RORA: variants seen among roughly 807,000 people sequenced by gnomAD.
RORA encodes the protein RAR related orphan receptor A.
Under a neutral mutation model 69.5 loss-of-function variants are expected in RORA, and 7 were observed. The ratio of observed to expected loss-of-function variants is 0.10; its 90% CI spans 0.06 to 0.19. The LOEUF is 0.19. Ranked by LOEUF, RORA falls within the 10% of genes least tolerant of loss-of-function variation. The pLI is 1.00. For synonymous variants in RORA, 261 were observed against 240.8 expected, an observed-to-expected ratio of 1.08 and a Z score of -0.78; for missense variants, 457 against 663.0, an observed-to-expected ratio of 0.69 and a Z score of 3.41.
intron 1 of RORA, among the ~76,000 whole-genome samples, chr15:60,763,065 ATTTTT>A (rs374433414): frequency 0.018 from 887 of 48,358 alleles, 22 homozygotes; most frequent in African/African-American, 0.045. Flanking sequence ...ATATGCACAG[ATTTTT>A]TTTTTTTTTT....
intron 1 of RORA, among the ~76,000 whole-genome samples, chr15:60,943,136 ATCT>A (rs1415653798): frequency 6.6e-6 from 1 of 152,228 alleles, no homozygotes; most frequent in African/African-American, 2.4e-5. Context: ...GCATAGTAGC[ATCT>A]TCTTATTTTG....
intron 1 of RORA, among the ~76,000 whole-genome samples, chr15:60,841,369 C>T (rs1176232680): frequency 2.0e-5 from 3 of 152,152 alleles, no homozygotes; most frequent in Non-Finnish European, 4.4e-5. Flanking sequence ...CTGTGGCTGC[C>T]GCGGCCACAG....
chr15:61,214,392 T>TA (rs2080019312), intron 1 of RORA, among the ~76,000 whole-genome samples: 1 of 152,242 alleles, frequency 6.6e-6, no homozygotes, highest in South Asian at 2.1e-4. Flanking sequence ...GTTTAAAACT[T>TA]ACGTTGTTGA....
chr15:60,633,452 A>G (rs1180692538), intron 2 of RORA, among the ~76,000 whole-genome samples: 1 of 152,248 alleles, frequency 6.6e-6, no homozygotes, highest in Non-Finnish European at 1.5e-5. Context: ...GCACAGCTCA[A>G]TCTCTGAACT....
intron 1 of RORA, among the ~76,000 whole-genome samples, chr15:60,724,279 C>A (rs758423460): frequency 6.6e-6 from 1 of 152,158 alleles, no homozygotes; most frequent in Non-Finnish European, 1.5e-5. Flanking sequence ...ATTGAGGGCT[C>A]CTATGTGTTG....
intron 2 of RORA, among the ~76,000 whole-genome samples, chr15:60,560,204 A>G (rs1409974742): frequency 6.6e-6 from 1 of 152,242 alleles, no homozygotes; most frequent in Non-Finnish European, 1.5e-5. Flanking sequence ...TCACATAGCC[A>G]CAAAACGCAG....
intron 1 of RORA, among the ~76,000 whole-genome samples, chr15:60,843,600 T>A (rs2073228310): frequency 6.6e-6 from 1 of 152,096 alleles, no homozygotes; most frequent in South Asian, 2.1e-4. Flanking sequence ...ATTCTTCCCA[T>A]GACTTTACAG....
At chr15:60,592,423 C>T in intron 2 of RORA, 1 of 1,433,256 alleles carries the variant, frequency 7.0e-7, no homozygotes, top group South Asian at 1.4e-5. Context: ...ATCATTTAAG[C>T]CGCGGTGCGG....
intron 2 of RORA, among the ~76,000 whole-genome samples, chr15:60,647,022 T>A (rs2070058390): frequency 6.6e-6 from 1 of 152,132 alleles, no homozygotes; most frequent in South Asian, 2.1e-4. Context: ...GGAAGAGGAG[T>A]CTAGCAAGAG....
rs377268746 is a variant in RORA, at chr15:60,693,036, A to C, written c.167-14350T>G. ...AGGCCAATATCCCTGATGAACATTG[A>C]TGCAAAAATCCTCAATAAAATACCA... On this transcript the variant is annotated intron_variant, in intron 1 of 10. Transcript: ENST00000335670. Among the ~76,000 whole-genome samples the C allele has an allele frequency of 1.4e-3, 214 of 152,344 alleles. 1 individual carries two copies. Among genetic ancestry groups the C allele is most frequent in the African/African-American group, 4.9e-3 (202 of 41,588 alleles).
chr15:60,597,563 T>C (rs1190960909), intron 2 of RORA, among the ~76,000 whole-genome samples: 9 of 32,628 alleles, frequency 2.8e-4, no homozygotes, highest in African/African-American at 1.2e-3. Context: ...TATATATATA[T>C]ATATATATAT....
Position 61,131,335 on chromosome 15 carries a change from T to C in RORA, c.166+97718A>G, listed in dbSNP as rs541208136. Among the ~76,000 whole-genome samples, 26 of 152,372 alleles carry C rather than the reference T, an allele frequency of 1.7e-4. 1 individual carries two copies. In the South Asian group the frequency reaches 4.1e-3, roughly 24 times the overall value. On this transcript the variant is annotated intron_variant, in intron 1 of 10. Transcript: ENST00000335670. The surrounding 1 kb of genome is among the most constrained non-coding windows in gnomAD (Gnocchi z 4.2). ...AAATCCATGTTTTAAAAGTTTTGAATTGTCTGTAGAAAATAAATCTAGACT... is the reference window on the plus strand; with the variant it reads ...AAATCCATGTTTTAAAAGTTTTGAACTGTCTGTAGAAAATAAATCTAGACT...
chr15:60,713,926 T>C (rs1348883173), intron 1 of RORA, among the ~76,000 whole-genome samples: 1 of 152,216 alleles, frequency 6.6e-6, no homozygotes, highest in African/African-American at 2.4e-5. Flanking sequence ...GCTAAGACTT[T>C]GCAGGGTAAT....
chr15:60,812,360 A>G (rs1248603097), intron 1 of RORA, among the ~76,000 whole-genome samples: 1 of 152,052 alleles, frequency 6.6e-6, no homozygotes. Flanking sequence ...TATTTTTAAA[A>G]TTAGACAGGC....
At chr15:60,932,995 C>T (rs1277862155) in intron 1 of RORA, among the ~76,000 whole-genome samples, 1 of 152,132 alleles carries the variant, frequency 6.6e-6, no homozygotes, top group Non-Finnish European at 1.5e-5. Context: ...TCTTCCTTAC[C>T]CAGGAGTTTC....
chr15:60,996,790 G>C, intron 1 of RORA, among the ~76,000 whole-genome samples: 1 of 151,968 alleles, frequency 6.6e-6, no homozygotes, highest in Non-Finnish European at 1.5e-5. Flanking sequence ...GGCGCCTGTA[G>C]TCGCAGCTAC....
At chr15:61,155,884 G>A (rs895621959) in intron 1 of RORA, among the ~76,000 whole-genome samples, 6 of 152,080 alleles carry the variant, frequency 3.9e-5, no homozygotes, top group Non-Finnish European at 5.9e-5. Flanking sequence ...AGGAGACCCC[G>A]CGTTTCAACC....
chr15:61,225,654 C>G (rs1444713198), intron 1 of RORA, among the ~76,000 whole-genome samples: 3 of 152,208 alleles, frequency 2.0e-5, no homozygotes, highest in Non-Finnish European at 2.9e-5. Context: ...GTGTTCCAAA[C>G]CAACTGTGTG....
chr15:60,620,570 T>A (rs77177988), intron 2 of RORA, among the ~76,000 whole-genome samples: 2,314 of 152,294 alleles, frequency 0.015, 73 homozygotes, highest in African/African-American at 0.053. Context: ...ACTCAATTAC[T>A]GTCTGTTTTG....
Sources: allele counts gnomAD v4.1 joint callset (sites outside exome capture counted in the v4.1 genomes callset), GRCh38; gene constraint gnomAD v4.1.1; non-coding constraint Gnocchi (gnomAD v3.1); transcripts MANE v1.5; gene names NCBI Gene and HGNC (gene_info 2026-07-23, HGNC 2026-07-21).